The following POLD3 variants were observed in gnomAD, a reference collection of about 807,000 sequenced individuals.
POLD3 encodes the protein DNA polymerase delta 3, accessory subunit, also known as DNA polymerase delta subunit 3.
Under a neutral mutation model 58.2 loss-of-function variants are expected in POLD3, and 19 were observed. The observed-to-expected ratio is 0.33, with a 90% CI of 0.23 to 0.48. The LOEUF is 0.48. POLD3 is among the 20% of genes least tolerant of loss of function. The pLI is 0.99. For missense variants in POLD3, 504 were observed against 545.5 expected, an observed-to-expected ratio of 0.92 and a Z score of 0.76; for synonymous variants, 172 against 193.5, an observed-to-expected ratio of 0.89 and a Z score of 0.92.
At chr11:74,619,874 A>G in intron 6 of POLD3, 143 bp from the exon 7 acceptor site, 2 of 624,348 alleles carry the variant, frequency 3.2e-6, no homozygotes, top group Non-Finnish European at 2.9e-6. Context: ...TTGTTCTTAT[A>G]TCTAACACCT....
At chr11:74,656,021 T>C (rs1284714098) in intron 4 of POLD3, among the ~76,000 whole-genome samples, 1 of 152,180 alleles carries the variant, frequency 6.6e-6, no homozygotes, top group African/African-American at 2.4e-5. Flanking sequence ...ATTCAATCTT[T>C]TGTATATCAG....
chr11:74,647,358 A>G (rs1425658303), downstream of POLD3, among the ~76,000 whole-genome samples: 1 of 152,188 alleles, frequency 6.6e-6, no homozygotes, highest in African/African-American at 2.4e-5. Flanking sequence ...GTTGTGTTCT[A>G]TATGTATTTA....
At chr11:74,636,651 T>C (rs2032758743) in intron 11 of POLD3, among the ~76,000 whole-genome samples, 2 of 152,208 alleles carry the variant, frequency 1.3e-5, no homozygotes, top group African/African-American at 4.8e-5. Flanking sequence ...GATGTTATCA[T>C]AGACATTGAG....
Position 74,620,039 on chromosome 11 carries a change from C to T in POLD3, c.683C>T (p.Ala228Val). 1 of 1,613,772 alleles carries T rather than the reference C, an allele frequency of 6.2e-7. No individual in the cohort carries two copies. The highest frequency in any genetic ancestry group is 8.5e-7 in the Non-Finnish European group (1 of 1,179,686). The change falls in exon 7 of 12, where the codon GCA becomes GTA. Residue 228 changes from alanine to valine, a missense_variant. By Grantham distance (64) the Ala-to-Val change is moderately conservative. Around this residue, in one of 2 missense-constraint regions of POLD3, gnomAD observed 385 missense variants for 370.5 expected, o/e 1.04. Coordinates refer to ENST00000263681, the MANE Select transcript of POLD3 (RefSeq NM_006591.3). ...TAGGCATCTGCAGCAGGCAACAAGG[C>T]ACCAGGGAAAGGGAATATGATGAGC... ...VTNASAAGNK[A>V]PGKGNMMSNF...
intron 10 of POLD3, among the ~76,000 whole-genome samples, chr11:74,634,921 G>C (rs778085843): frequency 5.9e-5 from 9 of 152,226 alleles, no homozygotes; most frequent in Non-Finnish European, 1.3e-4. Flanking sequence ...TGCAGAGGTG[G>C]AACCTGGGAG....
rs147436011 is a variant in POLD3 at position 74,642,675 on chromosome 11, A to G, written c.*1909A>G. 2.2e-5 allele frequency: 22 copies of G among 984,218 alleles called. No individual in the cohort carries two copies. In the East Asian group the frequency reaches 1.9e-3, roughly 86 times the overall value. The allele number at this position is 984,218 out of a possible 1,614,324, so 61.0% of individuals were successfully genotyped here. A position where few individuals can be genotyped will look rare whatever the true frequency, so the allele number is the denominator to read the frequency against. ...GGTGTTTTTTTTTTCTTTTTATACA[A>G]TACCATGTTAACCACATGAGTTAAA... On this transcript the variant is annotated 3_prime_UTR_variant, in exon 12 of 12. Transcript: ENST00000263681.
At chr11:74,626,271 T>C (rs1341174228) in intron 8 of POLD3, among the ~76,000 whole-genome samples, 1 of 152,170 alleles carries the variant, frequency 6.6e-6, no homozygotes, top group Non-Finnish European at 1.5e-5. Context: ...ATATGACTTG[T>C]ATGGATTAAA....
intron 11 of POLD3, 70 bp downstream of exon 11, chr11:74,636,345 T>A (rs2032750868): frequency 6.8e-7 from 1 of 1,473,126 alleles, no homozygotes; most frequent in Non-Finnish European, 9.4e-7. Flanking sequence ...CATAATCCCT[T>A]TTAGAACAGG....
chr11:74,635,094 G>T (rs1260438923), intron 10 of POLD3, among the ~76,000 whole-genome samples: 1 of 152,180 alleles, frequency 6.6e-6, no homozygotes, highest in African/African-American at 2.4e-5. Context: ...TTCTGGAAAA[G>T]GGCTGGATGG....
chr11:74,616,246 C>T (rs2032076173), intron 5 of POLD3, among the ~76,000 whole-genome samples: 1 of 152,218 alleles, frequency 6.6e-6, no homozygotes, highest in Non-Finnish European at 1.5e-5. Flanking sequence ...TACCTAAATA[C>T]TTAAAGTATC....
chr11:74,616,360 G>A (rs1373925716), intron 5 of POLD3, among the ~76,000 whole-genome samples: 1 of 152,232 alleles, frequency 6.6e-6, no homozygotes, highest in African/African-American at 2.4e-5. Context: ...GTTTTAAGAA[G>A]TGCCGTGACA....
Position 74,596,067 on chromosome 11 carries a change from A to G in POLD3, c.116+1951A>G, listed in dbSNP as rs1388366358. ...TTTTTAGTAGAGATGAGATCTTGCT[A>G]TGTTGCCCAGGCTGGTCTCAAACTC... On this transcript the variant is annotated intron_variant, in intron 2 of 11. Transcript: ENST00000263681. Among the ~76,000 whole-genome samples, 3 of 134,638 alleles carry G rather than the reference A, an allele frequency of 2.2e-5. No individual in the cohort carries two copies. The South Asian group carries it at 6.9e-4, about 31-fold the overall frequency. The allele number at this position is 134,638 out of a possible 152,430, so 88.3% of individuals were successfully genotyped here. A position where few individuals can be genotyped will look rare whatever the true frequency, so the allele number is the denominator to read the frequency against.
chr11:74,605,529 T>G (rs962079470), intron 3 of POLD3, among the ~76,000 whole-genome samples: 3 of 152,124 alleles, frequency 2.0e-5, no homozygotes, highest in African/African-American at 7.2e-5. Flanking sequence ...CTTTAATAAT[T>G]CCCCCTCTCT....
chr11:74,621,870 T>TTTA (rs1157489248), intron 7 of POLD3, among the ~76,000 whole-genome samples: 2 of 150,536 alleles, frequency 1.3e-5, no homozygotes, highest in East Asian at 1.9e-4. Flanking sequence ...TATTTATTTA[T>TTTA]TTTATTATTA....
At position 74,641,094 on chromosome 11, in the gene POLD3, A is replaced by G; in HGVS notation, c.*328A>G. On this transcript the variant is annotated 3_prime_UTR_variant, in exon 12 of 12. Coordinates refer to ENST00000263681, the MANE Select transcript of POLD3 (RefSeq NM_006591.3). ...TTTAGTGGCTAACCCACTGTGCTCC[A>G]CTCACCCTATGCCCTGGTCCGCATA... 1 of 1,022,924 alleles carries G rather than the reference A, an allele frequency of 9.8e-7. No individual in the cohort carries two copies. Among genetic ancestry groups the G allele is most frequent in the Non-Finnish European group, 1.2e-6 (1 of 855,166 alleles). The allele number at this position is 1,022,924 out of a possible 1,614,324, so 63.4% of individuals were successfully genotyped here.
chr11:74,639,616 C>T (rs2032853014), intron 11 of POLD3, among the ~76,000 whole-genome samples: 1 of 152,138 alleles, frequency 6.6e-6, no homozygotes, highest in Non-Finnish European at 1.5e-5. Flanking sequence ...CATGCTGTTT[C>T]TTGTGGTTGG....
At chr11:74,614,654 G>A (rs751496799) in intron 5 of POLD3, among the ~76,000 whole-genome samples, 10 of 151,782 alleles carry the variant, frequency 6.6e-5, no homozygotes, top group Non-Finnish European at 1.3e-4. Context: ...AGCTTGCAGC[G>A]AGCAGAGATC....
At chr11:74,668,760 T>G in intron 4 of POLD3, 1 of 1,278,830 alleles carries the variant, frequency 7.8e-7, no homozygotes. Context: ...TTCCTTTCTG[T>G]TGTGTTTTTT....
At chr11:74,592,836 T>C (rs1591282003) in intron 1 of POLD3, 118 bp downstream of exon 1, 103 of 1,501,010 alleles carry the variant, frequency 6.9e-5, no homozygotes, top group South Asian at 2.9e-4. Flanking sequence ...GGGAGACAGG[T>C]CCCCACGAGG....
Sources: gnomAD v4.1 joint callset for allele counts (sites outside exome capture counted in the v4.1 genomes callset) on GRCh38, gnomAD v4.1.1 for gene constraint, gnomAD v4.1.1 regional missense constraint, MANE v1.5 for transcripts, NCBI Gene and HGNC (gene_info 2026-07-23, HGNC 2026-07-21) for gene names.